C4orf54: variants seen among roughly 807,000 people sequenced by gnomAD.
C4orf54 encodes chromosome 4 open reading frame 54.
Under a neutral mutation model 80.1 loss-of-function variants are expected in C4orf54, and 67 were observed. That is an observed-to-expected ratio of 0.84 (90% confidence interval 0.69 to 1.03). The LOEUF is 1.03. C4orf54 is among the 50% of genes least tolerant of loss of function. The pLI is 0.00. For missense variants in C4orf54, 2,434 were observed against 2,253.5 expected (o/e 1.08, Z -1.62); for synonymous variants, 1,000 against 917.0 (o/e 1.09, Z -1.64).
chr4:99,642,533 T>A lies in C4orf54; in HGVS notation c.*37-1337A>T, dbSNP rs558539434. Among the ~76,000 whole-genome samples the A allele has an allele frequency of 5.9e-5, 9 of 152,360 alleles. 1 individual carries two copies. The South Asian group carries it at 1.9e-3, about 32-fold the overall frequency. Reference sequence around the variant, plus strand: ...ATAGTGTAGATATTGCCTTTTTGGATAGTCACAGAATATCGCTTCTGCTTA... The same window carrying A: ...ATAGTGTAGATATTGCCTTTTTGGAAAGTCACAGAATATCGCTTCTGCTTA... On this transcript the variant is annotated intron_variant, in intron 2 of 2. Coordinates refer to ENST00000511828, the MANE Select transcript of C4orf54 (RefSeq NM_001354435.2).
In C4orf54 at chr4:99,654,016, C is replaced by T. The variant is rs1726926488; in HGVS notation, c.633G>A (p.Met211Ile). ...CAGGGCAGTGCCCCAGGGTAAGTTTCATGGTCTGGGGACTCTCCCTCTGGA... is the reference window on the plus strand; with the variant it reads ...CAGGGCAGTGCCCCAGGGTAAGTTTTATGGTCTGGGGACTCTCCCTCTGGA... ...AEVQRESPQT[M>I]KLTLGHCPGG... The change falls in exon 2 of 3, where the codon ATG becomes ATA. Residue 211 changes from methionine to isoleucine, a missense_variant. By Grantham distance (10) the Met-to-Ile change is conservative. Coordinates refer to ENST00000511828, the MANE Select transcript of C4orf54 (RefSeq NM_001354435.2). The T allele has an allele frequency of 7.2e-6, 11 of 1,535,982 alleles. No individual in the cohort carries two copies. Among genetic ancestry groups the T allele is most frequent in the Non-Finnish European group, 9.6e-6 (11 of 1,146,914 alleles).
Position 99,654,631 on chromosome 4 carries a change from G to A in C4orf54, c.18C>T (p.Phe6=). The change falls in exon 2 of 3, where the codon TTC becomes TTT. Residue 6 remains phenylalanine (F), a synonymous_variant. Transcript: ENST00000511828. Reference sequence around the variant, plus strand: ...CTGTAGGTTGACCCCGGGACTTCCAGAAATGAAAGGAAAGCATGTGCTGTT... The same window carrying A: ...CTGTAGGTTGACCCCGGGACTTCCAAAAATGAAAGGAAAGCATGTGCTGTT... MLSFH[F]WKSRGQPTDA... 1 of 693,318 alleles carries A rather than the reference G, an allele frequency of 1.4e-6. No individual in the cohort carries two copies. The highest frequency in any genetic ancestry group is 2.7e-6 in the Non-Finnish European group (1 of 376,916). The allele number at this position is 693,318 out of a possible 1,614,324, so 42.9% of individuals were successfully genotyped here. A position where few individuals can be genotyped will look rare whatever the true frequency, so the allele number is the denominator to read the frequency against.
rs1413266077 is a variant in C4orf54 at position 99,651,994 on chromosome 4, G to A, written c.2655C>T (p.Gly885=). Residue 885 remains glycine (G), a synonymous_variant, in exon 2 of 3, where the codon GGC becomes GGT. Transcript: ENST00000511828. The part of the protein sequence containing the change: ...EYTVVSMSDA[G]GEGSVAGSKS... ...TGGAGCCCGCCACGGACCCCTCCCC[G>A]CCCGCGTCGGACATGCTGACCACTG... is the stretch of plus-strand genomic sequence containing the variant. 1.4e-5 allele frequency: 21 copies of A among 1,536,092 alleles called. No individual in the cohort carries two copies. The South Asian group carries it at 2.4e-4, about 17-fold the overall frequency.
rs1282771740 is a variant in C4orf54 at position 99,651,596 on chromosome 4, G to C, written c.3053C>G (p.Ser1018Cys). 2.6e-6 allele frequency: 4 copies of C among 1,536,142 alleles called. No individual in the cohort carries two copies. Among genetic ancestry groups the C allele is most frequent in the Non-Finnish European group, 3.5e-6 (4 of 1,146,908 alleles). The change falls in exon 2 of 3, where the codon TCC becomes TGC. Residue 1018 changes from serine to cysteine, a missense_variant. Coordinates refer to ENST00000511828, the MANE Select transcript of C4orf54 (RefSeq NM_001354435.2). Reference sequence around the variant, plus strand: ...AGCCTTGGGTCTGATCACCGCTGTGGAGGTGGCCTGAGCAGCAGGGTACTT... The same window carrying C: ...AGCCTTGGGTCTGATCACCGCTGTGCAGGTGGCCTGAGCAGCAGGGTACTT... The part of the protein sequence containing the change: ...ATKYPAAQAT[S>C]TAVIRPKAPE...
chr4:99,657,299 G>C (rs1430343817), intron 1 of C4orf54, among the ~76,000 whole-genome samples, 196 bp downstream of exon 1: 1 of 152,234 alleles, frequency 6.6e-6, no homozygotes, highest in African/African-American at 2.4e-5. Context: ...ACAGATTTCA[G>C]CTGAGTTTCT....
Position 99,649,235 on chromosome 4 carries a change from A to G in C4orf54, c.*32T>C. The G allele has an allele frequency of 6.8e-7, 1 of 1,469,044 alleles. No homozygotes were observed. The highest frequency in any genetic ancestry group is 9.0e-7 in the Non-Finnish European group (1 of 1,113,816). The allele number at this position is 1,469,044 out of a possible 1,614,324, so 91.0% of individuals were successfully genotyped here. A position where few individuals can be genotyped will look rare whatever the true frequency, so the allele number is the denominator to read the frequency against. On this transcript the variant is annotated 3_prime_UTR_variant, in exon 2 of 3. Coordinates refer to ENST00000511828, the MANE Select transcript of C4orf54 (RefSeq NM_001354435.2). ...ATCAAAGTGAAATTCACTTACCAGC[A>G]GTTTTTCATTCCGCTTCCTGGTGGC...
Position 99,651,113 on chromosome 4 carries a change from C to T in C4orf54, c.3536G>A (p.Gly1179Asp). 4 of 1,536,164 alleles carry T rather than the reference C, an allele frequency of 2.6e-6. No individual in the cohort carries two copies. The highest frequency in any genetic ancestry group is 3.5e-6 in the Non-Finnish European group (4 of 1,146,916). The change falls in exon 2 of 3, where the codon GGC becomes GAC. Residue 1179 changes from glycine to aspartate, a missense_variant. Coordinates refer to ENST00000511828, the MANE Select transcript of C4orf54 (RefSeq NM_001354435.2). The stretch of plus-strand genomic sequence containing the variant: ...GGAGGAAGAATTCAAGACTCTGCTG[C>T]CGCCCCCTTTGCCCATGCTTTCCCT... ...EPRESMGKGG[G>D]SRVLNSSSPE...
chr4:99,650,353 C>G lies in C4orf54; in HGVS notation c.4296G>C (p.Ser1432=). Residue 1432 remains serine (S), a synonymous_variant, in exon 2 of 3, where the codon TCG becomes TCC. Transcript: ENST00000511828. ...AGATCTTGAGGGACCGGAGTCCCTG[C>G]GACTTGATGCCCTTAGCTGCTGAAG... ...ESPSAAKGIK[S]QGLRSLKISP... is the part of the protein sequence containing the mutation. 6.5e-7 allele frequency: 1 copy of G among 1,536,038 alleles called. No homozygotes were observed. Among genetic ancestry groups the G allele is most frequent in the African/African-American group, 1.4e-5 (1 of 73,120 alleles).
At chr4:99,644,514 A>G (rs1383947475) in intron 2 of C4orf54, among the ~76,000 whole-genome samples, 1 of 152,218 alleles carries the variant, frequency 6.6e-6, no homozygotes, top group East Asian at 1.9e-4. Context: ...AGTGGGGAAA[A>G]TAGAAATAAA....
chr4:99,651,367 G>C lies in C4orf54; in HGVS notation c.3282C>G (p.Asp1094Glu), dbSNP rs769853595. The change falls in exon 2 of 3, where the codon GAC (aspartate) becomes GAG (glutamate). Residue 1094 changes from aspartate to glutamate, a missense_variant. Asp to Glu is a conservative substitution (Grantham distance 45). Coordinates refer to ENST00000511828, the MANE Select transcript of C4orf54 (RefSeq NM_001354435.2). ...VPHFQVRDIRDKSKAQGPLHQ... is the reference protein window; with the variant it reads ...VPHFQVRDIREKSKAQGPLHQ... ...GGAGGGGGCCTTGAGCCTTGGACTT[G>C]TCTCTGATGTCTCTCACCTGGAAAT... 13 of 1,536,164 alleles carry C rather than the reference G, an allele frequency of 8.5e-6. No individual in the cohort carries two copies. In the Admixed American group the frequency reaches 2.4e-4, roughly 28 times the overall value.
At position 99,651,002 on chromosome 4, in the gene C4orf54, T is replaced by A; in HGVS notation, c.3647A>T (p.Tyr1216Phe). 6.5e-7 allele frequency: 1 copy of A among 1,536,096 alleles called. No homozygotes were observed. The highest frequency in any genetic ancestry group is 8.7e-7 in the Non-Finnish European group (1 of 1,146,906). ...GGAGACAATCTTGAGCACAGGCAGG[T>A]ATGAGCCCTGCTCGGGCTTATTGGG... is the stretch of plus-strand genomic sequence containing the variant. ...IAPNKPEQGS[Y>F]LPVLKIVSKA... The change falls in exon 2 of 3, where the codon TAC becomes TTC. Residue 1216 changes from tyrosine to phenylalanine, a missense_variant. Tyr to Phe is a conservative substitution (Grantham distance 22). Transcript: ENST00000511828.
chr4:99,653,559 C>G lies in C4orf54; in HGVS notation c.1090G>C (p.Glu364Gln). ...TCATGGGTGGTGATGTAGTGAGCCT[C>G]TTCGACTTTGGGGGGGTCCCTGCTG... ...QGSRDPPKVE[E>Q]AHYITTHEIQ... The change falls in exon 2 of 3, where the codon GAG becomes CAG. Residue 364 changes from glutamate (E) to glutamine (Q), a missense_variant. Coordinates refer to ENST00000511828, the MANE Select transcript of C4orf54 (RefSeq NM_001354435.2). The G allele has an allele frequency of 6.5e-7, 1 of 1,536,110 alleles. No individual in the cohort carries two copies. The highest frequency in any genetic ancestry group is 8.7e-7 in the Non-Finnish European group (1 of 1,146,900).
chr4:99,653,623 A>G lies in C4orf54; in HGVS notation c.1026T>C (p.Asp342=), dbSNP rs1215035215. ...GKGGGGGGAG[D]GTECRDIIAK... ...CAATAATGTCCCTGCACTCTGTTCC[A>G]TCTCCTGCCCCTCCTCCCCCTCCTC... Residue 342 remains aspartate, a synonymous_variant, in exon 2 of 3, where the codon GAT becomes GAC. Coordinates refer to ENST00000511828, the MANE Select transcript of C4orf54 (RefSeq NM_001354435.2). 6.5e-7 allele frequency: 1 copy of G among 1,535,390 alleles called. No individual in the cohort carries two copies. The highest frequency in any genetic ancestry group is 2.0e-5 in the Admixed American group (1 of 50,934).
Position 99,653,829 on chromosome 4 carries a change from G to A in C4orf54, c.820C>T (p.Pro274Ser). Residue 274 changes from proline (P) to serine (S), a missense_variant, in exon 2 of 3, where the codon CCG (proline) becomes TCG (serine). By Grantham distance (74) the Pro-to-Ser change is moderately conservative. Coordinates refer to ENST00000511828, the MANE Select transcript of C4orf54 (RefSeq NM_001354435.2). ...CCATCCTCTTCTGCTTTGTTCATCGGGGAGGAGGATGAGGAAGATGAGAAA... is the reference window on the plus strand; with the variant it reads ...CCATCCTCTTCTGCTTTGTTCATCGAGGAGGAGGATGAGGAAGATGAGAAA... ...GNFSSSSSSS[P>S]MNKAEEDGLS... 6.5e-7 allele frequency: 1 copy of A among 1,536,172 alleles called. No homozygotes were observed. Among genetic ancestry groups the A allele is most frequent in the Non-Finnish European group, 8.7e-7 (1 of 1,146,918 alleles).
chr4:99,645,050 G>T (rs1449945515), intron 2 of C4orf54, among the ~76,000 whole-genome samples: 2 of 151,928 alleles, frequency 1.3e-5, no homozygotes, highest in Non-Finnish European at 1.5e-5. Flanking sequence ...CTCCAGCCTG[G>T]GCGATGTAGT....
In C4orf54 at chr4:99,651,989, T is replaced by G; in HGVS notation, c.2660A>C (p.Glu887Ala). 1 of 1,536,052 alleles carries G rather than the reference T, an allele frequency of 6.5e-7. No individual in the cohort carries two copies. The highest frequency in any genetic ancestry group is 8.7e-7 in the Non-Finnish European group (1 of 1,146,880). ...AGATTTGGAGCCCGCCACGGACCCCTCCCCGCCCGCGTCGGACATGCTGAC... is the reference window on the plus strand; with the variant it reads ...AGATTTGGAGCCCGCCACGGACCCCGCCCCGCCCGCGTCGGACATGCTGAC... Reference protein sequence around the residue: ...TVVSMSDAGGEGSVAGSKSPV... With the variant: ...TVVSMSDAGGAGSVAGSKSPV... Residue 887 changes from glutamate to alanine, a missense_variant, in exon 2 of 3, where the codon GAG becomes GCG. Coordinates refer to ENST00000511828, the MANE Select transcript of C4orf54 (RefSeq NM_001354435.2).
At position 99,639,305 on chromosome 4, in the gene C4orf54, G is replaced by A. The variant is rs1726564947; in HGVS notation, c.*1928C>T. 6.6e-6 allele frequency: 1 copy of A among 152,092 alleles called. No individual in the cohort carries two copies. The highest frequency in any genetic ancestry group is 1.5e-5 in the Non-Finnish European group (1 of 67,980). The allele number at this position is 152,092 out of a possible 1,614,324, so 9.4% of individuals were successfully genotyped here. On this transcript the variant is annotated 3_prime_UTR_variant, in exon 3 of 3. Coordinates refer to ENST00000511828, the MANE Select transcript of C4orf54 (RefSeq NM_001354435.2). The stretch of plus-strand genomic sequence containing the variant: ...TAAAATAAGTGTAAGATTTCTGAAA[G>A]GGATTCTACTTTCTTGGGTCAATAT...
intron 2 of C4orf54, among the ~76,000 whole-genome samples, chr4:99,648,554 A>AGTGTGTGTGTGTGTGTGT (rs60651888): frequency 0.023 from 3,303 of 145,746 alleles, 95 homozygotes; most frequent in African/African-American, 0.069. Context: ...TAGAGAACAA[A>AGTGTGTGTGTGTGTGTGT]GTGTGTGTGT....
chr4:99,652,615 C>A lies in C4orf54; in HGVS notation c.2034G>T (p.Gln678His). The part of the protein sequence containing the change: ...KCGGVGARVE[Q>H]SLLRSSAASV... ...AGGCCGCGCTGCTCCTGAGGAGGCT[C>A]TGCTCCACCCTGGCCCCAACACCCC... is the stretch of plus-strand genomic sequence containing the variant. Residue 678 changes from glutamine (Q) to histidine (H), a missense_variant, in exon 2 of 3, where the codon CAG becomes CAT. Gln to His is a conservative substitution (Grantham distance 24, BLOSUM62 0). Coordinates refer to ENST00000511828, the MANE Select transcript of C4orf54 (RefSeq NM_001354435.2). 1.3e-6 allele frequency: 2 copies of A among 1,536,096 alleles called. No homozygotes were observed. Among genetic ancestry groups the A allele is most frequent in the Non-Finnish European group, 1.7e-6 (2 of 1,146,896 alleles).
Sources: allele counts gnomAD v4.1 joint callset (sites outside exome capture counted in the v4.1 genomes callset), GRCh38; gene constraint gnomAD v4.1.1; transcripts MANE v1.5; gene names NCBI Gene and HGNC (gene_info 2026-07-23, HGNC 2026-07-21).